LINGO2: variants seen among roughly 807,000 people sequenced by gnomAD.
LINGO2 encodes the protein leucine rich repeat and Ig domain containing 2.
LINGO2 carries 14 observed loss-of-function variants against 30.6 expected under a neutral mutation model. The ratio of observed to expected loss-of-function variants is 0.46; its 90% confidence interval spans 0.30 to 0.72. The LOEUF (loss-of-function observed/expected upper bound fraction) is 0.72. LINGO2 is among the 30% of genes least tolerant of loss of function. The pLI is 0.07. For missense variants in LINGO2, 729 were observed against 751.7 expected, an observed-to-expected ratio of 0.97 and a Z score of 0.35; for synonymous variants, 317 against 288.5, an observed-to-expected ratio of 1.10 and a Z score of -1.00.
chr9:28,452,925 G>A (rs1004264761), intron 2 of LINGO2, among the ~76,000 whole-genome samples: 1 of 151,802 alleles, frequency 6.6e-6, no homozygotes, highest in African/African-American at 2.4e-5. Flanking sequence ...CTTGCTTAAG[G>A]AGGAGTTTAA....
chr9:28,169,129 A>G (rs1331792843), intron 4 of LINGO2, among the ~76,000 whole-genome samples: 1 of 152,224 alleles, frequency 6.6e-6, no homozygotes, highest in East Asian at 1.9e-4. Flanking sequence ...TTTGTAGAAA[A>G]TGTTAAAAGG....
the LINGO2 span, among the ~76,000 whole-genome samples, chr9:29,026,459 CTT>C: frequency 6.6e-6 from 1 of 151,952 alleles, no homozygotes; most frequent in South Asian, 2.1e-4. Context: ...TAATGATGAA[CTT>C]AATACTATGT....
intron 4 of LINGO2, among the ~76,000 whole-genome samples, chr9:28,120,130 A>T (rs1365119093): frequency 1.3e-5 from 2 of 152,206 alleles, no homozygotes; most frequent in Non-Finnish European, 2.9e-5. Flanking sequence ...AAGAAATAGG[A>T]TTGATGCTAA....
At chr9:29,117,404 C>G in the LINGO2 span, among the ~76,000 whole-genome samples, 1 of 152,310 alleles carries the variant, frequency 6.6e-6, no homozygotes, top group Non-Finnish European at 1.5e-5. Context: ...CATAATGTCA[C>G]TGAACACACC....
At chr9:28,576,465 A>G (rs1462736882) in intron 1 of LINGO2, among the ~76,000 whole-genome samples, 1 of 152,214 alleles carries the variant, frequency 6.6e-6, no homozygotes, top group Non-Finnish European at 1.5e-5. Context: ...CAAGTAATGT[A>G]ATTTTGAATA....
At chr9:28,178,357 C>A (rs1447172778) in intron 4 of LINGO2, among the ~76,000 whole-genome samples, 3 of 152,070 alleles carry the variant, frequency 2.0e-5, no homozygotes, top group African/African-American at 7.2e-5. Flanking sequence ...AAACTTGGAA[C>A]ATGAAATGAC....
intron 4 of LINGO2, among the ~76,000 whole-genome samples, chr9:28,133,918 A>T (rs1257501827): frequency 6.6e-6 from 1 of 152,188 alleles, no homozygotes; most frequent in Non-Finnish European, 1.5e-5. Flanking sequence ...ATTTCCTTAC[A>T]GATGTCTTAC....
At chr9:28,499,540 G>A (rs1819800722) in intron 1 of LINGO2, among the ~76,000 whole-genome samples, 1 of 152,112 alleles carries the variant, frequency 6.6e-6, no homozygotes, top group South Asian at 2.1e-4. Flanking sequence ...AGACATATAT[G>A]GTTTCAAACC....
intron 1 of LINGO2, among the ~76,000 whole-genome samples, chr9:28,616,293 G>T (rs1026679599): frequency 9.2e-5 from 14 of 152,274 alleles, no homozygotes; most frequent in African/African-American, 2.9e-4. Context: ...GCAAAGGAAA[G>T]ATTTTATACT....
chr9:28,342,666 G>T (rs980606571), intron 3 of LINGO2, among the ~76,000 whole-genome samples: 13 of 152,050 alleles, frequency 8.5e-5, no homozygotes, highest in African/African-American at 3.1e-4. Context: ...CAGTATATGG[G>T]GTGAGTGGTG....
intron 4 of LINGO2, among the ~76,000 whole-genome samples, chr9:28,211,934 T>C (rs1431384370): frequency 6.6e-6 from 1 of 151,386 alleles, no homozygotes; most frequent in Non-Finnish European, 1.5e-5. Context: ...CTTAATTTTT[T>C]TTTTTATCGA....
At chr9:28,688,532 G>A in the LINGO2 span, among the ~76,000 whole-genome samples, 1 of 152,110 alleles carries the variant, frequency 6.6e-6, no homozygotes, top group African/African-American at 2.4e-5. Flanking sequence ...CACTACTTCA[G>A]GTGACATGGT....
intron 1 of LINGO2, among the ~76,000 whole-genome samples, chr9:28,537,947 T>G (rs1299550680): frequency 6.6e-6 from 1 of 150,860 alleles, no homozygotes; most frequent in African/African-American, 2.4e-5. Context: ...AGAGAAAAAG[T>G]TGCCCTAAAA....
intron 4 of LINGO2, among the ~76,000 whole-genome samples, chr9:28,176,333 G>C (rs542900904): frequency 3.3e-5 from 5 of 152,218 alleles, no homozygotes; most frequent in East Asian, 1.9e-4. Flanking sequence ...GATCGACAAA[G>C]GACCTTTTTG....
At chr9:28,289,887 T>G (rs923127338) in intron 4 of LINGO2, among the ~76,000 whole-genome samples, 7 of 152,154 alleles carry the variant, frequency 4.6e-5, no homozygotes, top group African/African-American at 1.7e-4. Flanking sequence ...ACATTGTAAT[T>G]CAGGAATGCC....
intron 2 of LINGO2, among the ~76,000 whole-genome samples, chr9:28,404,592 T>G (rs1822415348): frequency 6.6e-6 from 1 of 152,206 alleles, no homozygotes; most frequent in South Asian, 2.1e-4. Flanking sequence ...TGTGCTGAGC[T>G]AAAGCTTGGC....
chr9:28,546,160 G>T (rs143046020), intron 1 of LINGO2, among the ~76,000 whole-genome samples: 3 of 151,974 alleles, frequency 2.0e-5, no homozygotes, highest in Non-Finnish European at 2.9e-5. Flanking sequence ...AAGAAAAAAG[G>T]CCTTTAGATC....
chr9:28,826,912 A>T, the LINGO2 span, among the ~76,000 whole-genome samples: 10 of 152,258 alleles, frequency 6.6e-5, no homozygotes, highest in Admixed American at 1.3e-4. Context: ...GTTTTCCTCC[A>T]TTGAAAAATT....
intron 4 of LINGO2, among the ~76,000 whole-genome samples, chr9:28,189,650 AGGAAGGAAGGAAGGAAGGG>A: frequency 3.6e-5 from 1 of 27,604 alleles, no homozygotes; most frequent in East Asian, 1.2e-3. Flanking sequence ...GAAGGGAGGG[AGGAAGGAAGGAAGGAAGGG>A]AGGAAGGAAG....
Sources: allele counts gnomAD v4.1 joint callset (sites outside exome capture counted in the v4.1 genomes callset), GRCh38; gene constraint gnomAD v4.1.1; transcripts MANE v1.5; gene names NCBI Gene and HGNC (gene_info 2026-07-23, HGNC 2026-07-21).